Variants in SPTBN5 observed in about 807,000 individuals in gnomAD.
The protein encoded by SPTBN5 is spectrin beta, non-erythrocytic 5.
A neutral mutation model predicts 477.6 loss-of-function variants in SPTBN5; 513 were observed. The ratio of observed to expected loss-of-function variants is 1.07; its 90% CI spans 1.00 to 1.16. The LOEUF (loss-of-function observed/expected upper bound fraction) is 1.16. Ranked by LOEUF, SPTBN5 falls within the 50% of genes most tolerant of loss-of-function variation. The pLI is 0.00. For synonymous variants in SPTBN5, 2,169 were observed against 2,011.7 expected, an observed-to-expected ratio of 1.08 and a Z score of -2.09; for missense variants, 5,062 against 4,731.8, an observed-to-expected ratio of 1.07 and a Z score of -2.05.
chr15:41,872,158 G>T, intron 27 of SPTBN5, 144 bp downstream of exon 27: 1 of 1,167,394 alleles, frequency 8.6e-7, no homozygotes, highest in Admixed American at 2.8e-5. Flanking sequence ...TATGGAAAGA[G>T]GTGAGCAACA....
rs754923811 is a variant in SPTBN5 at position 41,855,354 on chromosome 15, C to T, written c.9293G>A (p.Gly3098Glu). The T allele has an allele frequency of 4.4e-6, 7 of 1,605,930 alleles. No homozygotes were observed. Among genetic ancestry groups the T allele is most frequent in the South Asian group, 2.2e-5 (2 of 91,046 alleles). Residue 3098 changes from glycine to glutamate, a missense_variant, in exon 55 of 68, where the codon GGG becomes GAG. By Grantham distance (98) the Gly-to-Glu change is moderately conservative. Transcript: ENST00000320955. ...CTGCAGCTGCTCCTGCAGGCCGTGC[C>T]CCCTGGCCTCCGCCCTCCGCAGCAG... ...AELLRRAEAR[G>E]HGLQEQLQLH...
chr15:41,887,854 G>C, intron 5 of SPTBN5, 74 bp downstream of exon 5: 4 of 1,450,568 alleles, frequency 2.8e-6, no homozygotes, highest in Middle Eastern at 1.8e-4. Flanking sequence ...TGGGAGAACG[G>C]GTGGGCTGAG....
At chr15:41,882,507 A>AACAGGGG (rs777556072) in intron 10 of SPTBN5, 38 bp from the exon 11 acceptor site, 2 of 1,567,912 alleles carry the variant, frequency 1.3e-6, no homozygotes, top group Non-Finnish European at 1.7e-6. Context: ...GTGAAGGCAG[A>AACAGGGG]ACAGGGGAGG....
chr15:41,856,275 G>C, intron 53 of SPTBN5, 111 bp downstream of exon 53: 1 of 970,326 alleles, frequency 1.0e-6, no homozygotes, highest in Non-Finnish European at 1.5e-6. Flanking sequence ...GGAGACCACT[G>C]AGTGGAGGAG....
chr15:41,875,627 A>G lies in SPTBN5; in HGVS notation c.4123-5T>C, dbSNP rs1241940490. The G allele has an allele frequency of 6.3e-7, 1 of 1,576,262 alleles. No individual in the cohort carries two copies. The highest frequency in any genetic ancestry group is 1.8e-5 in the Admixed American group (1 of 54,270). The stretch of plus-strand genomic sequence containing the variant: ...ACTCAACAGCTCTCTCCCAACCTGG[A>G]GTGGAGATAAAGGCCCAGGGAGTTT... On this transcript the variant is annotated splice_region_variant and splice_polypyrimidine_tract_variant and intron_variant, in intron 21 of 67. Coordinates refer to ENST00000320955, the MANE Select transcript of SPTBN5 (RefSeq NM_016642.4).
Position 41,868,213 on chromosome 15 carries a change from C to A in SPTBN5, c.6063G>T (p.Gln2021His). The change falls in exon 34 of 68, where the codon CAG becomes CAT. Residue 2021 changes from glutamine (Q) to histidine (H), a missense_variant. By Grantham distance (24) the Gln-to-His change is conservative. Coordinates refer to ENST00000320955, the MANE Select transcript of SPTBN5 (RefSeq NM_016642.4). ...GGTCCTGCAGGGCTCGAAGCTCTTC[C>A]TGGACCTGGGGATGGACACATGAGG... ...LAAGTPTKEV[Q>H]EELRALQDQR... 1 of 1,581,098 alleles carries A rather than the reference C, an allele frequency of 6.3e-7. No individual in the cohort carries two copies. Among genetic ancestry groups the A allele is most frequent in the East Asian group, 2.3e-5 (1 of 43,378 alleles).
intron 59 of SPTBN5, 127 bp from the exon 60 acceptor site, chr15:41,853,127 C>T (rs1412900678): frequency 2.0e-5 from 29 of 1,448,174 alleles, no homozygotes; most frequent in Non-Finnish European, 2.5e-5. Context: ...CCTGCCCCTT[C>T]CCAGCCTCTC....
rs760466313 is a variant in SPTBN5 at position 41,879,403 on chromosome 15, C to T, written c.3039G>A (p.Gln1013=). Residue 1013 remains glutamine (Q), a synonymous_variant, in exon 16 of 68, where the codon CAG becomes CAA. Coordinates refer to ENST00000320955, the MANE Select transcript of SPTBN5 (RefSeq NM_016642.4). Reference sequence around the variant, plus strand: ...GGAGGAGCACGTCTCGCAGCTGGACCTGTGTGGGTCCACACTCCTGCAGAA... The same window carrying T: ...GGAGGAGCACGTCTCGCAGCTGGACTTGTGTGGGTCCACACTCCTGCAGAA... ...CSFLQECGPT[Q]VQLRDVLLQL... The T allele has an allele frequency of 3.7e-6, 6 of 1,610,832 alleles. No individual in the cohort carries two copies. Among genetic ancestry groups the T allele is most frequent in the Non-Finnish European group, 5.1e-6 (6 of 1,179,776 alleles).
chr15:41,850,478 T>C (rs2065716308), intron 66 of SPTBN5: 2 of 254,390 alleles, frequency 7.9e-6, no homozygotes, highest in East Asian at 8.2e-5. Context: ...GTCTGAGGAC[T>C]AGAAGGTTAG....
At chr15:41,865,734 ACT>A in intron 39 of SPTBN5, 72 bp downstream of exon 39, 1 of 1,369,884 alleles carries the variant, frequency 7.3e-7, no homozygotes, top group Non-Finnish European at 1.0e-6. Context: ...TACAGCCCAC[ACT>A]CTTTCCCTGC....
At chr15:41,893,251 T>A in intron 2 of SPTBN5, 31 bp downstream of exon 2, 1 of 1,613,082 alleles carries the variant, frequency 6.2e-7, no homozygotes, top group Non-Finnish European at 8.5e-7. Flanking sequence ...CTGGTATGGG[T>A]GGGCTGTGGG....
chr15:41,850,796 A>G lies in SPTBN5; in HGVS notation c.10921+58T>C, dbSNP rs1187632817. 1.4e-5 allele frequency: 20 copies of G among 1,449,148 alleles called. No individual in the cohort carries two copies. The East Asian group carries it at 4.7e-4, about 34-fold the overall frequency. The allele number at this position is 1,449,148 out of a possible 1,614,324, so 89.8% of individuals were successfully genotyped here. ...AGGATGCATAAAACACTAGGGGCCC[A>G]GGAGCTTGGGGCCCAGGGAGTCGGC... On this transcript the variant is annotated intron_variant, in intron 66 of 67. Coordinates refer to ENST00000320955, the MANE Select transcript of SPTBN5 (RefSeq NM_016642.4).
intron 13 of SPTBN5, 40 bp from the exon 14 acceptor site, chr15:41,880,352 C>T (rs1301969217): frequency 1.2e-5 from 19 of 1,551,920 alleles, no homozygotes; most frequent in African/African-American, 1.4e-5. Context: ...AGGGTCAGGG[C>T]CCCCGACAGG....
At chr15:41,873,341 G>C in intron 26 of SPTBN5, 151 bp downstream of exon 26, 5 of 635,600 alleles carry the variant, frequency 7.9e-6, no homozygotes, top group Non-Finnish European at 1.4e-5. Flanking sequence ...GGGCACTGTG[G>C]GATCTGGGTG....
chr15:41,858,985 C>T lies in SPTBN5; in HGVS notation c.7989-5G>A, dbSNP rs1595453306. 1 of 1,540,240 alleles carries T rather than the reference C, an allele frequency of 6.5e-7. No individual in the cohort carries two copies. Among genetic ancestry groups the T allele is most frequent in the Non-Finnish European group, 8.7e-7 (1 of 1,143,320 alleles). On this transcript the variant is annotated splice_region_variant and splice_polypyrimidine_tract_variant and intron_variant, in intron 47 of 67. Coordinates refer to ENST00000320955, the MANE Select transcript of SPTBN5 (RefSeq NM_016642.4). The stretch of plus-strand genomic sequence containing the variant: ...TGCCTGAAGAGCGCCTCCTTCCTGC[C>T]AGGAGGAGAGGCTCATGGGCCTGGA...
Position 41,878,402 on chromosome 15 carries a change from G to T in SPTBN5, c.3410C>A (p.Ala1137Asp), listed in dbSNP as rs768738433. The change falls in exon 17 of 68, where the codon GCT becomes GAT. Residue 1137 changes from alanine to aspartate, a missense_variant. Ala to Asp is a moderately radical substitution (Grantham distance 126). Transcript: ENST00000320955. ...SKEVSVDVAS[A>D]QRLLREHQDL... ...TTGGTGCTCCCTCAGCAGCCGCTGA[G>T]CCGAGGCCACATCCACTGACACCTC... 7.4e-6 allele frequency: 12 copies of T among 1,613,700 alleles called. No homozygotes were observed. The South Asian group carries it at 1.1e-4, about 15-fold the overall frequency.
chr15:41,861,103 G>A (rs539132941), intron 46 of SPTBN5, among the ~76,000 whole-genome samples: 60 of 152,228 alleles, frequency 3.9e-4, no homozygotes, highest in Non-Finnish European at 6.9e-4. Context: ...TCAGGGTTGG[G>A]GCAGTGGCGG....
rs145125855 is a variant in SPTBN5, at chr15:41,874,780, T to C, written c.4502+62A>G. 4,040 of 1,522,232 alleles carry C rather than the reference T, an allele frequency of 2.7e-3. 112 individuals carry two copies. The Admixed American group carries it at 0.049, about 19-fold the overall frequency. The allele number at this position is 1,522,232 out of a possible 1,614,324, so 94.3% of individuals were successfully genotyped here. On this transcript the variant is annotated intron_variant, in intron 23 of 67. Coordinates refer to ENST00000320955, the MANE Select transcript of SPTBN5 (RefSeq NM_016642.4). ...ACACCCCGGTCCTGTGGGTGCCATC[T>C]TGTGGGACCTTAAATTCACATGGAG...
Position 41,856,961 on chromosome 15 carries a change from C to T in SPTBN5, c.8700G>A (p.Arg2900=), listed in dbSNP as rs752654909. The T allele has an allele frequency of 4.4e-6, 7 of 1,596,458 alleles. No homozygotes were observed. The highest frequency in any genetic ancestry group is 6.0e-6 in the Non-Finnish European group (7 of 1,172,270). Residue 2900 remains arginine (R), a synonymous_variant, in exon 52 of 68, where the codon AGG becomes AGA. Coordinates refer to ENST00000320955, the MANE Select transcript of SPTBN5 (RefSeq NM_016642.4). ...CCCAGGCCATTTCCTCGTCGGCGTC[C>T]CTGAAGAACTTCAAGAGGAGGCTCC... ...EARSLLLKFF[R]DADEEMAWVQ...
Sources: allele counts gnomAD v4.1 joint callset (sites outside exome capture counted in the v4.1 genomes callset), GRCh38; gene constraint gnomAD v4.1.1; transcripts MANE v1.5; gene names NCBI Gene and HGNC (gene_info 2026-07-23, HGNC 2026-07-21).